Variants in MYO1D observed in about 807,000 individuals in gnomAD.
MYO1D encodes myosin ID.
Under a neutral mutation model 122.0 loss-of-function variants are expected in MYO1D, and 83 were observed. The observed-to-expected ratio is 0.68, with a 90% confidence interval of 0.57 to 0.82. The LOEUF is 0.82. Among genes scored for constraint, MYO1D ranks in the 40% least tolerant of loss-of-function variants. The pLI, the probability that MYO1D is intolerant of heterozygous loss-of-function variation, is 0.00. For missense variants in MYO1D, 1,157 were observed against 1,269.5 expected, an observed-to-expected ratio of 0.91 and a Z score of 1.35; for synonymous variants, 464 against 446.9, an observed-to-expected ratio of 1.04 and a Z score of -0.48.
At chr17:32,601,734 C>T (rs1321499462) in intron 21 of MYO1D, among the ~76,000 whole-genome samples, 1 of 152,172 alleles carries the variant, frequency 6.6e-6, no homozygotes, top group African/African-American at 2.4e-5. Context: ...TGCTAATAGA[C>T]TTGATCAATG....
rs576868258 is a variant in MYO1D at position 32,519,901 on chromosome 17, TAAAAAA to T, written c.2865-24992_2865-24987del. ...GGGTAAACAGCAGGCTTTTTTTTTT[TAAAAAA>T]AAAAACCAGGGCGATGTCTTAGCCA... On this transcript the variant is annotated intron_variant, in intron 21 of 21. Transcript: ENST00000318217. 2.8e-4 allele frequency among the ~76,000 whole-genome samples: 37 copies of T among 132,234 alleles called. 2 individuals carry two copies. The highest frequency in any genetic ancestry group is 3.9e-3 in the Middle Eastern group (1 of 254). 86.8% of individuals were successfully genotyped at this position (132,234 alleles called of 152,430 possible). A position where few individuals can be genotyped will look rare whatever the true frequency, so the allele number is the denominator to read the frequency against.
In MYO1D at chr17:32,738,283, C is replaced by G; in HGVS notation, c.1716G>C (p.Met572Ile). Residue 572 changes from methionine to isoleucine, a missense_variant, in exon 14 of 22, where the codon ATG becomes ATC. Transcript: ENST00000318217. Reference protein sequence around the residue: ...LTAATLFKNSMIALVDNLASK... With the variant: ...LTAATLFKNSIIALVDNLASK... Reference sequence around the variant, plus strand: ...ATGCAAGGTTGTCTACTAGAGCAATCATAGAATTCTTAAACAAGGTAGCAG... The same window carrying G: ...ATGCAAGGTTGTCTACTAGAGCAATGATAGAATTCTTAAACAAGGTAGCAG... 1 of 1,608,722 alleles carries G rather than the reference C, an allele frequency of 6.2e-7. No homozygotes were observed. The highest frequency in any genetic ancestry group is 8.5e-7 in the Non-Finnish European group (1 of 1,177,642).
intron 21 of MYO1D, chr17:32,519,235 G>C (rs927480077): frequency 6.6e-6 from 1 of 152,408 alleles, no homozygotes; most frequent in Non-Finnish European, 1.5e-5. Context: ...GCTTCAGCCC[G>C]GCACCGCTTT....
intron 20 of MYO1D, among the ~76,000 whole-genome samples, chr17:32,634,817 C>G (rs1567920987): frequency 6.6e-6 from 1 of 152,100 alleles, no homozygotes; most frequent in Non-Finnish European, 1.5e-5. Flanking sequence ...CCAACCTGGC[C>G]TATCTGAAGC....
intron 16 of MYO1D, among the ~76,000 whole-genome samples, chr17:32,676,351 A>ATT (rs376940405): frequency 2.0e-3 from 264 of 132,438 alleles, no homozygotes; most frequent in African/African-American, 6.0e-3. Flanking sequence ...TTGTTTCTCT[A>ATT]TTTTTTTTTT....
intron 1 of MYO1D, among the ~76,000 whole-genome samples, chr17:32,842,128 T>C (rs2090888689): frequency 6.6e-6 from 1 of 152,246 alleles, no homozygotes; most frequent in East Asian, 1.9e-4. Context: ...AGATGAGCCA[T>C]TTGATAGTTC....
intron 21 of MYO1D, among the ~76,000 whole-genome samples, chr17:32,513,262 G>A (rs1190520064): frequency 6.6e-6 from 1 of 152,198 alleles, no homozygotes; most frequent in African/African-American, 2.4e-5. Context: ...TGACCAATTA[G>A]GAAACTGTAA....
chr17:32,833,199 C>T (rs1383287597), intron 1 of MYO1D, among the ~76,000 whole-genome samples: 1 of 152,176 alleles, frequency 6.6e-6, no homozygotes, highest in Non-Finnish European at 1.5e-5. Flanking sequence ...GCTCGCTATA[C>T]CCCATGTCTC....
intron 14 of MYO1D, among the ~76,000 whole-genome samples, chr17:32,726,289 G>A (rs1047407008): frequency 3.3e-5 from 5 of 151,900 alleles, no homozygotes; most frequent in Admixed American, 6.6e-5. Flanking sequence ...GTGTGGTGGC[G>A]TGCACCTGTA....
chr17:32,557,479 C>T (rs554596213), intron 21 of MYO1D, among the ~76,000 whole-genome samples: 13 of 152,044 alleles, frequency 8.6e-5, no homozygotes, highest in Admixed American at 2.0e-4. Context: ...GTTCAGGAGT[C>T]GGCAAACTTC....
chr17:32,574,648 C>T (rs967138927), intron 21 of MYO1D, among the ~76,000 whole-genome samples: 13 of 152,142 alleles, frequency 8.5e-5, no homozygotes, highest in African/African-American at 2.9e-4. Context: ...ATCTTTGGCA[C>T]CTAACTTATG....
chr17:32,834,674 C>T (rs530262332), intron 1 of MYO1D, among the ~76,000 whole-genome samples: 199 of 152,294 alleles, frequency 1.3e-3, no homozygotes, highest in African/African-American at 4.5e-3. Flanking sequence ...TGTCTTACAA[C>T]CTTAGCTGGA....
At position 32,494,843 on chromosome 17, in the gene MYO1D, G is replaced by A; in HGVS notation, c.2937C>T (p.Val979=). 2 of 1,614,034 alleles carry A rather than the reference G, an allele frequency of 1.2e-6. No homozygotes were observed. The highest frequency in any genetic ancestry group is 1.7e-6 in the Non-Finnish European group (2 of 1,179,954). Residue 979 remains valine, a synonymous_variant, in exon 22 of 22, where the codon GTC becomes GTT. Transcript: ENST00000318217. Reference sequence around the variant, plus strand: ...GCTGGTTGAGCCGCGTCTCCACGGAGACGGTGCACTTCTTCCCGTGCAGGC... The same window carrying A: ...GCTGGTTGAGCCGCGTCTCCACGGAAACGGTGCACTTCTTCCCGTGCAGGC... ...QCSLHGKKCT[V]SVETRLNQPQ...
chr17:32,682,491 T>A (rs554807758), intron 16 of MYO1D, among the ~76,000 whole-genome samples: 3 of 151,404 alleles, frequency 2.0e-5, no homozygotes, highest in Non-Finnish European at 4.4e-5. Flanking sequence ...TAAAGGATTT[T>A]ATTTCTCCTT....
At chr17:32,560,556 T>TATATATATATATATATACAC (rs1567890304) in intron 21 of MYO1D, among the ~76,000 whole-genome samples, 18 of 114,114 alleles carry the variant, frequency 1.6e-4, no homozygotes, top group Non-Finnish European at 2.7e-4. Context: ...TATATATATA[T>TATATATATATATATATACAC]ATATATATAT....
chr17:32,866,496 T>G (rs990503087), intron 1 of MYO1D, among the ~76,000 whole-genome samples: 16 of 152,196 alleles, frequency 1.1e-4, no homozygotes, highest in African/African-American at 3.9e-4. Flanking sequence ...AACAGTAACA[T>G]ACTGTAAAGT....
chr17:32,815,988 GT>G (rs2090610454), intron 1 of MYO1D, among the ~76,000 whole-genome samples: 1 of 152,184 alleles, frequency 6.6e-6, no homozygotes, highest in Non-Finnish European at 1.5e-5. Flanking sequence ...TGGTAACCTA[GT>G]AGCAACTAAC....
intron 20 of MYO1D, among the ~76,000 whole-genome samples, chr17:32,628,612 A>G (rs1218587605): frequency 6.6e-6 from 1 of 152,220 alleles, no homozygotes; most frequent in Admixed American, 6.5e-5. Flanking sequence ...CAAAGAGTGA[A>G]GAGATGGTTC....
chr17:32,761,886 C>T (rs1366442052), intron 8 of MYO1D, among the ~76,000 whole-genome samples: 6 of 152,120 alleles, frequency 3.9e-5, no homozygotes, highest in Non-Finnish European at 7.3e-5. Context: ...TTGCTGAATA[C>T]TTATTATATA....
Sources: allele counts gnomAD v4.1 joint callset (sites outside exome capture counted in the v4.1 genomes callset), GRCh38; gene constraint gnomAD v4.1.1; transcripts MANE v1.5; gene names NCBI Gene and HGNC (gene_info 2026-07-23, HGNC 2026-07-21).